Variants in ATXN1 observed in about 807,000 individuals in gnomAD.
The protein encoded by ATXN1 is ataxin-1.
In ATXN1, 8 loss-of-function variants were observed where a neutral mutation model predicts 56.4. The ratio of observed to expected loss-of-function variants is 0.14; its 90% confidence interval spans 0.08 to 0.26. The LOEUF (loss-of-function observed/expected upper bound fraction) is 0.26, where lower values mean the gene tolerates loss of function less well. Ranked by LOEUF, ATXN1 falls within the 10% of genes least tolerant of loss-of-function variation. The pLI is 1.00. For missense variants in ATXN1, 987 were observed against 1,106.5 expected, an observed-to-expected ratio of 0.89 and a Z score of 1.53; for synonymous variants, 514 against 494.6, an observed-to-expected ratio of 1.04 and a Z score of -0.52.
At chr6:16,348,708 A>G (rs1035289876) in intron 6 of ATXN1, among the ~76,000 whole-genome samples, 2 of 152,070 alleles carry the variant, frequency 1.3e-5, no homozygotes, top group Non-Finnish European at 2.9e-5. Context: ...AAAAAAAAAA[A>G]TGAAGATAGT....
At chr6:16,422,368 C>T (rs756177908) in intron 6 of ATXN1, among the ~76,000 whole-genome samples, 42 of 152,170 alleles carry the variant, frequency 2.8e-4, no homozygotes, top group Non-Finnish European at 5.3e-4. Flanking sequence ...ACAGTAGTTC[C>T]CATTCTCTCT....
At chr6:16,602,081 A>G (rs1762922501) in intron 3 of ATXN1, among the ~76,000 whole-genome samples, 1 of 152,196 alleles carries the variant, frequency 6.6e-6, no homozygotes, top group African/African-American at 2.4e-5. Context: ...TATACTAAGC[A>G]TCAGCAAAGC....
intron 6 of ATXN1, among the ~76,000 whole-genome samples, chr6:16,416,982 C>T (rs1039933586): frequency 2.0e-5 from 3 of 152,192 alleles, no homozygotes; most frequent in Non-Finnish European, 4.4e-5. Context: ...GCTCAACAGG[C>T]ACCTAACCCT....
At chr6:16,450,599 G>A (rs536914195) in intron 6 of ATXN1, among the ~76,000 whole-genome samples, 2 of 152,180 alleles carry the variant, frequency 1.3e-5, no homozygotes, top group Admixed American at 6.5e-5. Context: ...CCATTCCATC[G>A]AGCCTCTTTT....
At chr6:16,477,139 C>A (rs1044757043) in intron 6 of ATXN1, among the ~76,000 whole-genome samples, 4 of 152,224 alleles carry the variant, frequency 2.6e-5, no homozygotes, top group African/African-American at 9.6e-5. Flanking sequence ...CACCTTGAGT[C>A]TCTTTCTTCG....
chr6:16,468,549 T>C (rs879805580), intron 6 of ATXN1, among the ~76,000 whole-genome samples: 1 of 152,190 alleles, frequency 6.6e-6, no homozygotes, highest in Non-Finnish European at 1.5e-5. Flanking sequence ...GTAACTTGTT[T>C]CCAGGGAAGC....
intron 6 of ATXN1, among the ~76,000 whole-genome samples, chr6:16,370,668 T>C (rs1211079995): frequency 6.6e-6 from 1 of 152,236 alleles, no homozygotes; most frequent in Non-Finnish European, 1.5e-5. Context: ...TATAATTTTC[T>C]TTTTTAAAGC....
intron 6 of ATXN1, among the ~76,000 whole-genome samples, chr6:16,482,855 G>A (rs1412935934): frequency 6.6e-6 from 1 of 152,104 alleles, no homozygotes; most frequent in East Asian, 1.9e-4. Context: ...AAATGAGGTA[G>A]TGCCAAATCA....
intron 4 of ATXN1, among the ~76,000 whole-genome samples, chr6:16,576,715 T>C (rs1173908690): frequency 2.0e-5 from 3 of 151,968 alleles, no homozygotes; most frequent in Non-Finnish European, 4.4e-5. Flanking sequence ...ATATGTGTTG[T>C]GTCTTTGTGT....
At chr6:16,606,353 G>A (rs1282006267) in intron 3 of ATXN1, among the ~76,000 whole-genome samples, 2 of 152,052 alleles carry the variant, frequency 1.3e-5, no homozygotes, top group African/African-American at 4.8e-5. Context: ...ATGGTGAAAC[G>A]TATTTCCAAG....
At chr6:16,658,433 T>C (rs1049005850) in intron 2 of ATXN1, among the ~76,000 whole-genome samples, 3 of 131,326 alleles carry the variant, frequency 2.3e-5, no homozygotes, top group African/African-American at 9.6e-5. Context: ...AGGTAATGCA[T>C]GGGTTTCCCT....
chr6:16,623,872 T>A (rs971682094), intron 3 of ATXN1, among the ~76,000 whole-genome samples: 1 of 152,236 alleles, frequency 6.6e-6, no homozygotes, highest in Non-Finnish European at 1.5e-5. Context: ...AAAGCTGGTA[T>A]TAATAATATA....
intron 3 of ATXN1, among the ~76,000 whole-genome samples, chr6:16,589,519 A>G (rs1762686240): frequency 6.6e-6 from 1 of 152,028 alleles, no homozygotes. Flanking sequence ...GGCATCTGAA[A>G]TATACGATTA....
At chr6:16,388,527 T>G (rs1454107501) in intron 6 of ATXN1, among the ~76,000 whole-genome samples, 1 of 152,174 alleles carries the variant, frequency 6.6e-6, no homozygotes, top group Non-Finnish European at 1.5e-5. Context: ...CTACGTCAAA[T>G]AAAGTGTATT....
chr6:16,570,004 C>T (rs1012637983), intron 4 of ATXN1, among the ~76,000 whole-genome samples: 5 of 152,208 alleles, frequency 3.3e-5, no homozygotes, highest in Non-Finnish European at 7.3e-5. Context: ...TCTCCAACTG[C>T]AGAACACCCC....
intron 5 of ATXN1, among the ~76,000 whole-genome samples, chr6:16,500,155 T>C (rs1346431233): frequency 1.3e-5 from 2 of 152,242 alleles, no homozygotes; most frequent in African/African-American, 2.4e-5. Flanking sequence ...AAAAGTCTTA[T>C]GATGTCCGAT....
intron 6 of ATXN1, among the ~76,000 whole-genome samples, chr6:16,458,817 G>A (rs1759932533): frequency 6.6e-6 from 1 of 152,198 alleles, no homozygotes; most frequent in Non-Finnish European, 1.5e-5. Flanking sequence ...TGCCCCAGAG[G>A]ACAAAGGTTC....
intron 5 of ATXN1, among the ~76,000 whole-genome samples, chr6:16,497,866 G>A (rs945196535): frequency 5.3e-5 from 8 of 150,048 alleles, no homozygotes; most frequent in Non-Finnish European, 8.9e-5. Flanking sequence ...TGCAGAAGTT[G>A]AACATTAGAG....
intron 7 of ATXN1, among the ~76,000 whole-genome samples, chr6:16,317,222 C>G (rs1347294697): frequency 6.6e-6 from 1 of 152,154 alleles, no homozygotes; most frequent in Non-Finnish European, 1.5e-5. Context: ...CGTTACATAA[C>G]GCCAGACAGC....
Sources: gnomAD v4.1 joint callset for allele counts (sites outside exome capture counted in the v4.1 genomes callset) on GRCh38, gnomAD v4.1.1 for gene constraint, MANE v1.5 for transcripts, NCBI Gene and HGNC (gene_info 2026-07-23, HGNC 2026-07-21) for gene names.